Variants in AKAP13 observed in about 807,000 individuals in gnomAD.
The protein encoded by AKAP13 is A-kinase anchor protein 13.
In AKAP13, 80 loss-of-function variants were observed where a neutral mutation model predicts 264.5. That is an observed-to-expected ratio of 0.30 (90% CI 0.25 to 0.36). The LOEUF (loss-of-function observed/expected upper bound fraction) is 0.36. AKAP13 is among the 10% of genes least tolerant of loss of function. The pLI, the probability that AKAP13 is intolerant of heterozygous loss-of-function variation, is 1.00. For missense variants in AKAP13, 3,712 were observed against 3,435.2 expected (o/e 1.08, Z -2.01); for synonymous variants, 1,380 against 1,250.2 (o/e 1.10, Z -2.19).
chr15:85,415,323 C>A, intron 1 of AKAP13: 2 of 1,575,148 alleles, frequency 1.3e-6, no homozygotes, highest in Non-Finnish European at 1.7e-6. Flanking sequence ...AATAGCTTTG[C>A]GAAAAATGGA....
intron 16 of AKAP13, among the ~76,000 whole-genome samples, chr15:85,688,642 C>T (rs956273117): frequency 1.3e-5 from 2 of 152,016 alleles, no homozygotes; most frequent in African/African-American, 4.8e-5. Context: ...CCAAAGAAGC[C>T]AAAAGCCAGT....
At chr15:85,507,499 G>C (rs759687770) in intron 2 of AKAP13, among the ~76,000 whole-genome samples, 11 of 152,018 alleles carry the variant, frequency 7.2e-5, no homozygotes, top group Admixed American at 2.6e-4. Context: ...CCTGATATTA[G>C]ATGAAATGGG....
rs771632879 is a variant in AKAP13, at chr15:85,580,827, G to A, written c.2759G>A (p.Ser920Asn). The change falls in exon 7 of 37, where the codon AGC becomes AAC. Residue 920 changes from serine (S) to asparagine (N), a missense_variant. Physicochemically the swap from Ser to Asn is conservative, Grantham distance 46. Coordinates refer to ENST00000394518, the MANE Select transcript of AKAP13 (RefSeq NM_007200.5). ...GGAAAACTTCTGGTGGTTTCAGAAAGCTCTGCAGCTCAGGAACAAGATAAG... is the reference window on the plus strand; with the variant it reads ...GGAAAACTTCTGGTGGTTTCAGAAAACTCTGCAGCTCAGGAACAAGATAAG... The part of the protein sequence containing the change: ...EEGKLLVVSE[S>N]SAAQEQDKDK... 4 of 1,614,102 alleles carry A rather than the reference G, an allele frequency of 2.5e-6. No individual in the cohort carries two copies. Among genetic ancestry groups the A allele is most frequent in the South Asian group, 1.1e-5 (1 of 91,082 alleles).
chr15:85,616,709 A>G (rs1056536064), intron 8 of AKAP13, among the ~76,000 whole-genome samples: 8 of 152,224 alleles, frequency 5.3e-5, no homozygotes, highest in Non-Finnish European at 7.3e-5. Flanking sequence ...TGGTTGCTGT[A>G]TTTCAAAATC....
chr15:85,467,075 TACACACAC>T (rs3054059), intron 1 of AKAP13, among the ~76,000 whole-genome samples: 24 of 149,382 alleles, frequency 1.6e-4, no homozygotes, highest in East Asian at 2.0e-4. Flanking sequence ...TTGTATTAAC[TACACACAC>T]ACACACACAC....
chr15:85,736,058 AT>A (rs562817204), intron 32 of AKAP13, 31 bp from the exon 33 acceptor site: 4 of 1,532,314 alleles, frequency 2.6e-6, no homozygotes, highest in Non-Finnish European at 2.7e-6. Flanking sequence ...CAAGATCTTC[AT>A]TTTTTTATAT....
At chr15:85,484,880 C>T (rs1281031338) in intron 1 of AKAP13, among the ~76,000 whole-genome samples, 2 of 152,026 alleles carry the variant, frequency 1.3e-5, no homozygotes, top group Non-Finnish European at 2.9e-5. Context: ...TTAGTATGTG[C>T]CTTCATTTAC....
intron 4 of AKAP13, chr15:85,535,882 C>A (rs1225478712): frequency 1.3e-5 from 2 of 151,596 alleles, no homozygotes; most frequent in Non-Finnish European, 2.9e-5. Flanking sequence ...TCACTGCAAC[C>A]TCCATCTCCT....
At chr15:85,433,117 G>GTT (rs199655190) in intron 1 of AKAP13, among the ~76,000 whole-genome samples, 1,189 of 52,750 alleles carry the variant, frequency 0.023, 33 homozygotes, top group African/African-American at 0.06. Flanking sequence ...CTTCTGTACA[G>GTT]TTTTTTTTTT....
intron 3 of AKAP13, 88 bp from the exon 4 acceptor site, chr15:85,533,496 C>T (rs915569750): frequency 3.2e-5 from 41 of 1,269,304 alleles, no homozygotes; most frequent in Non-Finnish European, 3.8e-5. Flanking sequence ...ATTTGTATGT[C>T]GTGAAATAAG....
At position 85,747,839 on chromosome 15, in the gene AKAP13, T is replaced by G. The variant is rs960264690; in HGVS notation, c.*3162T>G. 6.5e-6 allele frequency: 1 copy of G among 153,264 alleles called. No homozygotes were observed. Among genetic ancestry groups the G allele is most frequent in the Non-Finnish European group, 1.5e-5 (1 of 68,042 alleles). The allele number at this position is 153,264 out of a possible 1,614,324, so 9.5% of individuals were successfully genotyped here. A position where few individuals can be genotyped will look rare whatever the true frequency, so the allele number is the denominator to read the frequency against. ...GAATCTTAACTTTTTTCCCCTTCTG[T>G]GTCTCAGGGTAATACTATTCAGAGT... On this transcript the variant is annotated 3_prime_UTR_variant, in exon 37 of 37. Transcript: ENST00000394518.
chr15:85,402,906 C>T (rs756618592), intron 1 of AKAP13, among the ~76,000 whole-genome samples: 12 of 152,164 alleles, frequency 7.9e-5, no homozygotes, highest in Non-Finnish European at 1.8e-4. Context: ...CTTAAAGTTA[C>T]AGGAGTTTTG....
At chr15:85,590,103 C>CA (rs1410497364) in intron 8 of AKAP13, among the ~76,000 whole-genome samples, 3 of 152,084 alleles carry the variant, frequency 2.0e-5, no homozygotes, top group African/African-American at 7.2e-5. Context: ...CCACATACCC[C>CA]GTCTATGTGT....
Position 85,724,243 on chromosome 15 carries a change from T to C in AKAP13, c.6745+923T>C, listed in dbSNP as rs1033470717. 2.6e-5 allele frequency among the ~76,000 whole-genome samples: 4 copies of C among 152,148 alleles called. No homozygotes were observed. The highest frequency in any genetic ancestry group is 9.7e-5 in the African/African-American group (4 of 41,422). ...CGCATAGAACAAATGGTAAAGAAGT[T>C]CCAGGCAGTCAGCTGGTTTCAACAA... On this transcript the variant is annotated intron_variant, in intron 26 of 36. Coordinates refer to ENST00000394518, the MANE Select transcript of AKAP13 (RefSeq NM_007200.5). This position sits in a 1 kb window ranked among gnomAD's most constrained non-coding sequence, Gnocchi z 4.2.
chr15:85,625,966 A>T (rs1362007540), intron 8 of AKAP13, among the ~76,000 whole-genome samples: 1 of 152,266 alleles, frequency 6.6e-6, no homozygotes, highest in East Asian at 1.9e-4. Context: ...TCTCTTAAGC[A>T]GCTTACTTTA....
chr15:85,727,321 G>A lies in AKAP13; in HGVS notation c.7005-60G>A, dbSNP rs374620744. 2.1e-5 allele frequency: 34 copies of A among 1,613,208 alleles called. No homozygotes were observed. The African/African-American group carries it at 4.3e-4, about 20-fold the overall frequency. On this transcript the variant is annotated intron_variant, in intron 28 of 36. Coordinates refer to ENST00000394518, the MANE Select transcript of AKAP13 (RefSeq NM_007200.5). This position sits in a 1 kb window ranked among gnomAD's most constrained non-coding sequence, Gnocchi z 5.3. ...GTGTGATTTCATAACAGGCTGGACT[G>A]TGACCAGAGTAATTGACATCTTAGG...
intron 12 of AKAP13, chr15:85,662,471 G>T: frequency 6.2e-7 from 1 of 1,613,968 alleles, no homozygotes. Context: ...ATTGTTATGT[G>T]TCCCGCCACC....
intron 5 of AKAP13, among the ~76,000 whole-genome samples, chr15:85,553,825 A>G (rs1383513406): frequency 6.6e-6 from 1 of 152,176 alleles, no homozygotes; most frequent in Non-Finnish European, 1.5e-5. Context: ...GTGACATTAG[A>G]TTCTCATAGG....
intron 5 of AKAP13, among the ~76,000 whole-genome samples, chr15:85,546,183 G>C (rs772955880): frequency 6.6e-6 from 1 of 152,102 alleles, no homozygotes; most frequent in African/African-American, 2.4e-5. Flanking sequence ...AAAAAAGAAT[G>C]TATTTCTCAC....
Sources: allele counts gnomAD v4.1 joint callset (sites outside exome capture counted in the v4.1 genomes callset), GRCh38; gene constraint gnomAD v4.1.1; non-coding constraint Gnocchi (gnomAD v3.1); transcripts MANE v1.5; gene names NCBI Gene and HGNC (gene_info 2026-07-23, HGNC 2026-07-21).